The following CIMIP2A variants were observed in gnomAD, a reference collection of about 807,000 sequenced individuals.
CIMIP2A encodes the protein family with sequence similarity 166 member A.
chr9:137,243,754 G>T, the CIMIP2A span: 1 of 1,614,094 alleles, frequency 6.2e-7, no homozygotes, highest in Non-Finnish European at 8.5e-7. Flanking sequence ...TCCGGGTGCT[G>T]TTGCCGAATG....
chr9:137,252,620 G>A, the CIMIP2A span: 1 of 1,517,336 alleles, frequency 6.6e-7, no homozygotes, highest in Non-Finnish European at 8.9e-7. Context: ...AGGGTCCGTG[G>A]GGAGCACCCT....
the CIMIP2A span, among the ~76,000 whole-genome samples, chr9:137,246,556 G>A: frequency 6.6e-6 from 1 of 152,166 alleles, no homozygotes; most frequent in Non-Finnish European, 1.5e-5. Flanking sequence ...GAGGTCAGGA[G>A]ATCAAGACCA....
At chr9:137,251,757 T>C in the CIMIP2A span, 23 of 1,575,972 alleles carry the variant, frequency 1.5e-5, no homozygotes, top group Non-Finnish European at 2.0e-5. Context: ...ATCTGTGCTG[T>C]TGTTGGGCCC....
the CIMIP2A span, chr9:137,245,460 C>A: frequency 6.2e-7 from 1 of 1,613,918 alleles, no homozygotes; most frequent in South Asian, 1.1e-5. Flanking sequence ...GCAGCAGAAT[C>A]TGTCTGGGTA....
chr9:137,251,594 G>A, the CIMIP2A span: 1 of 1,143,886 alleles, frequency 8.7e-7, no homozygotes, highest in South Asian at 1.5e-5. Context: ...AGCGGCCAGG[G>A]GCTGAGGGAC....
the CIMIP2A span, chr9:137,245,533 T>A: frequency 1.2e-6 from 2 of 1,613,796 alleles, no homozygotes; most frequent in South Asian, 2.2e-5. Context: ...GCCCAGAATC[T>A]CAAAGTTCTT....
At chr9:137,251,587 G>A in the CIMIP2A span, 43 of 1,074,678 alleles carry the variant, frequency 4.0e-5, no homozygotes, top group Admixed American at 1.2e-4. Context: ...GGCTGGGAGC[G>A]GCCAGGGGCT....
At chr9:137,245,177 G>A in the CIMIP2A span, 1 of 1,078,040 alleles carries the variant, frequency 9.3e-7, no homozygotes, top group South Asian at 1.3e-5. Flanking sequence ...CCTGCTGGCG[G>A]CGGGCGGGGG....
At chr9:137,247,946 G>T in the CIMIP2A span, among the ~76,000 whole-genome samples, 2 of 152,194 alleles carry the variant, frequency 1.3e-5, no homozygotes, top group African/African-American at 2.4e-5. Flanking sequence ...GGTCCGGGAG[G>T]AAGTCCCATT....
At chr9:137,244,325 C>T in the CIMIP2A span, 81 of 1,611,942 alleles carry the variant, frequency 5.0e-5, no homozygotes, top group Middle Eastern at 1.6e-4. Flanking sequence ...GCTCCCTCCC[C>T]GGCAGGCAAA....
chr9:137,248,404 G>A, the CIMIP2A span, among the ~76,000 whole-genome samples: 1 of 151,930 alleles, frequency 6.6e-6, no homozygotes, highest in African/African-American at 2.4e-5. Context: ...TTAGCCAGGT[G>A]CGGTGGCGTG....
the CIMIP2A span, chr9:137,245,795 T>C: frequency 6.5e-7 from 1 of 1,534,364 alleles, no homozygotes; most frequent in African/African-American, 1.4e-5. Flanking sequence ...AGCTGCCCCG[T>C]GGTACGCCCA....
the CIMIP2A span, chr9:137,244,600 T>G: frequency 6.2e-7 from 1 of 1,607,306 alleles, no homozygotes; most frequent in Non-Finnish European, 8.5e-7. Flanking sequence ...AGAGGAAGTG[T>G]GTGTGTGAGC....
the CIMIP2A span, among the ~76,000 whole-genome samples, chr9:137,248,435 C>T: frequency 4.7e-5 from 7 of 150,328 alleles, no homozygotes; most frequent in East Asian, 2.0e-4. Flanking sequence ...CCCAGCTACT[C>T]GGGAGGCTGA....
the CIMIP2A span, chr9:137,247,626 G>A: frequency 1.2e-6 from 2 of 1,603,776 alleles, no homozygotes; most frequent in Non-Finnish European, 1.7e-6. Context: ...CTGCAGCCCT[G>A]GCCCCAGCCA....
the CIMIP2A span, chr9:137,244,697 C>T: frequency 7.4e-6 from 12 of 1,613,634 alleles, no homozygotes; most frequent in African/African-American, 5.3e-5. Flanking sequence ...GTAATTCAAC[C>T]CCATTACCCA....
chr9:137,248,536 CTG>C, the CIMIP2A span, among the ~76,000 whole-genome samples: 10 of 87,318 alleles, frequency 1.1e-4, no homozygotes, highest in Admixed American at 4.0e-4. Context: ...GAGTGAGACT[CTG>C]TCTCAAAAAA....
At chr9:137,244,764 C>T in the CIMIP2A span, 8 of 1,606,792 alleles carry the variant, frequency 5.0e-6, no homozygotes, top group Admixed American at 5.1e-5. Context: ...TACGGGCTAC[C>T]CCAAGCCCCC....
At chr9:137,247,659 C>T in the CIMIP2A span, 1 of 1,612,944 alleles carries the variant, frequency 6.2e-7, no homozygotes, top group Non-Finnish European at 8.5e-7. Flanking sequence ...CCGGCTCTCA[C>T]CCAGGGACAT....
Sources: gnomAD v4.1 joint callset for allele counts (sites outside exome capture counted in the v4.1 genomes callset) on GRCh38, gnomAD v4.1.1 for gene constraint, MANE v1.5 for transcripts, NCBI Gene and HGNC (gene_info 2026-07-23, HGNC 2026-07-21) for gene names.